LHFPL6: variants seen among roughly 807,000 people sequenced by gnomAD.
LHFPL6 encodes LHFPL tetraspan subfamily member 6 protein.
Under a neutral mutation model 20.6 loss-of-function variants are expected in LHFPL6, and 9 were observed. That is an observed-to-expected ratio of 0.44 (90% confidence interval 0.26 to 0.76). LHFPL6 has a LOEUF of 0.76. Ranked by LOEUF, LHFPL6 falls within the 30% of genes least tolerant of loss-of-function variation. The pLI is 0.20. For missense variants in LHFPL6, 218 were observed against 253.5 expected (o/e 0.86, Z 0.95); for synonymous variants, 105 against 98.7 (o/e 1.06, Z -0.38).
At chr13:39,505,809 A>G (rs1869457176) in intron 2 of LHFPL6, among the ~76,000 whole-genome samples, 1 of 152,188 alleles carries the variant, frequency 6.6e-6, no homozygotes, top group Admixed American at 6.5e-5. Context: ...ATTTCCAGTG[A>G]TAGAGTGAAG....
chr13:39,440,991 C>G (rs369594151), intron 2 of LHFPL6, among the ~76,000 whole-genome samples: 1 of 152,066 alleles, frequency 6.6e-6, no homozygotes, highest in Non-Finnish European at 1.5e-5. Context: ...GGCCTCCCCC[C>G]CAGCCATGCG....
At chr13:39,562,470 A>C (rs1871537928) in intron 2 of LHFPL6, among the ~76,000 whole-genome samples, 2 of 111,986 alleles carry the variant, frequency 1.8e-5, no homozygotes, top group Non-Finnish European at 3.8e-5. Context: ...ATATACACAT[A>C]TACACATATA....
intron 2 of LHFPL6, among the ~76,000 whole-genome samples, chr13:39,411,599 A>AC (rs1871242037): frequency 6.6e-6 from 1 of 152,210 alleles, no homozygotes; most frequent in Non-Finnish European, 1.5e-5. Context: ...ATCAGCTGTG[A>AC]TTGAAGCACC....
At chr13:39,449,018 G>A (rs1207772860) in intron 2 of LHFPL6, among the ~76,000 whole-genome samples, 1 of 152,230 alleles carries the variant, frequency 6.6e-6, no homozygotes, top group African/African-American at 2.4e-5. Flanking sequence ...CCTCAACCAT[G>A]TCAATGCACA....
At chr13:39,429,791 CT>C (rs1384122145) in intron 2 of LHFPL6, among the ~76,000 whole-genome samples, 17 of 152,144 alleles carry the variant, frequency 1.1e-4, no homozygotes, top group Non-Finnish European at 2.1e-4. Flanking sequence ...TGAAACAAGT[CT>C]TTGTCAAGGC....
chr13:39,509,985 A>G (rs1406201345), intron 2 of LHFPL6, among the ~76,000 whole-genome samples: 2 of 152,216 alleles, frequency 1.3e-5, no homozygotes, highest in Non-Finnish European at 2.9e-5. Context: ...ACCAGACGAT[A>G]TAAAAGTAAC....
chr13:39,516,755 T>C (rs1024197684), intron 2 of LHFPL6, among the ~76,000 whole-genome samples: 1 of 141,974 alleles, frequency 7.0e-6, no homozygotes, highest in Non-Finnish European at 1.5e-5. Context: ...AATAAAAATC[T>C]TGATGAAAAT....
At chr13:39,513,994 A>T (rs1008252055) in intron 2 of LHFPL6, among the ~76,000 whole-genome samples, 3 of 152,124 alleles carry the variant, frequency 2.0e-5, no homozygotes, top group African/African-American at 7.2e-5. Flanking sequence ...GAAACCCAAC[A>T]ATTATTCCTA....
intron 2 of LHFPL6, among the ~76,000 whole-genome samples, chr13:39,392,486 T>C (rs145986697): frequency 2.0e-4 from 31 of 152,052 alleles, no homozygotes; most frequent in African/African-American, 7.5e-4. Flanking sequence ...CCCAGCTACT[T>C]GGGAGGCTAA....
intron 2 of LHFPL6, among the ~76,000 whole-genome samples, chr13:39,424,741 T>G (rs781637787): frequency 1.3e-5 from 2 of 152,194 alleles, no homozygotes; most frequent in African/African-American, 4.8e-5. Flanking sequence ...GTGGCTATCA[T>G]ATCTCATTTC....
chr13:39,386,675 G>T (rs1041096317), intron 2 of LHFPL6, among the ~76,000 whole-genome samples: 3 of 152,314 alleles, frequency 2.0e-5, no homozygotes, highest in Non-Finnish European at 4.4e-5. Context: ...TCTAAGTCCA[G>T]ATTTCTTGTA....
chr13:39,595,556 G>C (rs1193807566), intron 2 of LHFPL6, among the ~76,000 whole-genome samples: 1 of 152,216 alleles, frequency 6.6e-6, no homozygotes, highest in Non-Finnish European at 1.5e-5. Flanking sequence ...GCCTCCCAAA[G>C]TGCTGGGATT....
At chr13:39,371,602 C>T (rs1593288770) in intron 3 of LHFPL6, among the ~76,000 whole-genome samples, 1 of 152,190 alleles carries the variant, frequency 6.6e-6, no homozygotes, top group East Asian at 1.9e-4. Flanking sequence ...ACACCTGCCA[C>T]GACTGTCCCT....
chr13:39,357,449 G>A (rs916520580), intron 3 of LHFPL6, among the ~76,000 whole-genome samples: 2 of 152,254 alleles, frequency 1.3e-5, no homozygotes, highest in East Asian at 1.9e-4. Flanking sequence ...AGACAAAGAC[G>A]CCAACTTTCA....
chr13:39,358,123 A>G (rs1373056373), intron 3 of LHFPL6, among the ~76,000 whole-genome samples: 3 of 152,234 alleles, frequency 2.0e-5, no homozygotes, highest in African/African-American at 4.8e-5. Flanking sequence ...AGCTGGAGGC[A>G]TCACATTACC....
intron 2 of LHFPL6, among the ~76,000 whole-genome samples, chr13:39,464,337 A>G (rs17059979): frequency 0.023 from 3,575 of 152,318 alleles, 75 homozygotes; most frequent in South Asian, 0.1. Context: ...AATAGATCCT[A>G]TATAAAACAG....
At chr13:39,539,984 A>C (rs1281228678) in intron 2 of LHFPL6, among the ~76,000 whole-genome samples, 1 of 152,220 alleles carries the variant, frequency 6.6e-6, no homozygotes, top group African/African-American at 2.4e-5. Flanking sequence ...AAAGAGTTTC[A>C]CACGGATGAT....
At chr13:39,489,448 C>T (rs1868838087) in intron 2 of LHFPL6, among the ~76,000 whole-genome samples, 1 of 152,054 alleles carries the variant, frequency 6.6e-6, no homozygotes, top group African/African-American at 2.4e-5. Context: ...TCTCTCAGCT[C>T]CTTCTTAATC....
intron 2 of LHFPL6, among the ~76,000 whole-genome samples, chr13:39,530,590 T>TA (rs1340649199): frequency 6.6e-6 from 1 of 152,184 alleles, no homozygotes; most frequent in Non-Finnish European, 1.5e-5. Context: ...GCACAACTCG[T>TA]AAGTCCTAAA....
Sources: allele counts gnomAD v4.1 joint callset (sites outside exome capture counted in the v4.1 genomes callset), GRCh38; gene constraint gnomAD v4.1.1; transcripts MANE v1.5; gene names NCBI Gene and HGNC (gene_info 2026-07-23, HGNC 2026-07-21).